Variants in RPS6KC1 observed in about 807,000 individuals in gnomAD.
The protein encoded by RPS6KC1 is inactive ribosomal protein S6 kinase delta-1.
RPS6KC1 carries 54 observed loss-of-function variants against 103.8 expected under a neutral mutation model. That is an observed-to-expected ratio of 0.52 (90% confidence interval 0.42 to 0.65). The LOEUF (loss-of-function observed/expected upper bound fraction) is 0.65. Among genes scored for constraint, RPS6KC1 ranks in the 30% least tolerant of loss-of-function variants. RPS6KC1 has a pLI of 0.00. For missense variants in RPS6KC1, 1,151 were observed against 1,253.8 expected (o/e 0.92, Z 1.24); for synonymous variants, 439 against 438.7 (o/e 1.00, Z -0.01).
intron 14 of RPS6KC1, among the ~76,000 whole-genome samples, chr1:213,267,568 C>T (rs916740265): frequency 6.6e-6 from 1 of 151,960 alleles, no homozygotes; most frequent in Non-Finnish European, 1.5e-5. Flanking sequence ...TAGAAATTGT[C>T]TCTGAGTGTA....
At chr1:213,152,493 G>A (rs571069480) in intron 6 of RPS6KC1, among the ~76,000 whole-genome samples, 10 of 151,680 alleles carry the variant, frequency 6.6e-5, no homozygotes, top group African/African-American at 2.2e-4. Flanking sequence ...CGGGGTGGCT[G>A]CCGGGCGGAG....
At chr1:213,818,517 T>A in the RPS6KC1 span, 1 of 152,240 alleles carries the variant, frequency 6.6e-6, no homozygotes, top group Non-Finnish European at 1.5e-5. Flanking sequence ...GTGACCCATT[T>A]TATTGCGGTA....
chr1:213,403,559 T>C, the RPS6KC1 span, among the ~76,000 whole-genome samples: 2 of 152,148 alleles, frequency 1.3e-5, no homozygotes, highest in Admixed American at 6.5e-5. Flanking sequence ...CTGATTTGAG[T>C]GTGCCATCTG....
the RPS6KC1 span, among the ~76,000 whole-genome samples, chr1:213,633,483 C>A: frequency 6.6e-6 from 1 of 152,116 alleles, no homozygotes; most frequent in Non-Finnish European, 1.5e-5. Context: ...AAATCCTTTA[C>A]AGACAAGCAA....
chr1:213,407,929 GC>G, the RPS6KC1 span, among the ~76,000 whole-genome samples: 2 of 152,142 alleles, frequency 1.3e-5, no homozygotes, highest in South Asian at 2.1e-4. Context: ...TGTATACGTG[GC>G]CCTTAGAGTA....
At chr1:213,645,504 T>G in the RPS6KC1 span, among the ~76,000 whole-genome samples, 1 of 152,150 alleles carries the variant, frequency 6.6e-6, no homozygotes, top group Non-Finnish European at 1.5e-5. Context: ...TCCTTAAAAT[T>G]TAGCCACTAT....
intron 8 of RPS6KC1, among the ~76,000 whole-genome samples, chr1:213,187,513 T>C (rs546957339): frequency 1.9e-4 from 29 of 152,248 alleles, no homozygotes; most frequent in Admixed American, 6.5e-4. Context: ...CCCACAGTGT[T>C]AGAATTATAG....
At chr1:213,253,977 T>C (rs2149042879) in intron 12 of RPS6KC1, among the ~76,000 whole-genome samples, 1 of 152,338 alleles carries the variant, frequency 6.6e-6, no homozygotes, top group Non-Finnish European at 1.5e-5. Flanking sequence ...TTTGTTATTC[T>C]GTGTTTTAGC....
chr1:213,161,430 C>T (rs2090464804), intron 6 of RPS6KC1, among the ~76,000 whole-genome samples: 1 of 152,044 alleles, frequency 6.6e-6, no homozygotes, highest in South Asian at 2.1e-4. Flanking sequence ...AAATGATTCT[C>T]CTGCCTCAAC....
At chr1:213,494,654 C>T in the RPS6KC1 span, among the ~76,000 whole-genome samples, 1 of 151,816 alleles carries the variant, frequency 6.6e-6, no homozygotes. Context: ...AGAAAATGAT[C>T]GAAGTGGATA....
the RPS6KC1 span, among the ~76,000 whole-genome samples, chr1:213,658,598 G>A: frequency 6.6e-6 from 1 of 152,218 alleles, no homozygotes; most frequent in African/African-American, 2.4e-5. Flanking sequence ...CAATAGATTT[G>A]AGAGGATAAA....
the RPS6KC1 span, among the ~76,000 whole-genome samples, chr1:213,628,736 C>G: frequency 3.3e-5 from 5 of 151,958 alleles, 1 homozygote; most frequent in South Asian, 1.0e-3. Context: ...ATAAATTTCC[C>G]TCTACACTCT....
chr1:213,538,780 T>C, the RPS6KC1 span, among the ~76,000 whole-genome samples: 1 of 152,092 alleles, frequency 6.6e-6, no homozygotes, highest in African/African-American at 2.4e-5. Context: ...GGGAGATAGA[T>C]AGACATTAAG....
intron 7 of RPS6KC1, among the ~76,000 whole-genome samples, chr1:213,169,495 C>T (rs959424792): frequency 6.6e-6 from 1 of 152,082 alleles, no homozygotes; most frequent in East Asian, 1.9e-4. Flanking sequence ...TTATCCTATT[C>T]TCTATCATTG....
the RPS6KC1 span, among the ~76,000 whole-genome samples, chr1:213,853,745 G>A: frequency 6.6e-6 from 1 of 152,234 alleles, no homozygotes; most frequent in Admixed American, 6.5e-5. Flanking sequence ...GAATCTAGAA[G>A]GGGATTCAGG....
At chr1:213,209,278 A>G (rs2148656015) in intron 8 of RPS6KC1, among the ~76,000 whole-genome samples, 1 of 152,232 alleles carries the variant, frequency 6.6e-6, no homozygotes, top group South Asian at 2.1e-4. Flanking sequence ...ACCACCTCAA[A>G]CTTATCTTTG....
At chr1:213,403,557 A>G in the RPS6KC1 span, among the ~76,000 whole-genome samples, 1 of 152,122 alleles carries the variant, frequency 6.6e-6, no homozygotes, top group South Asian at 2.1e-4. Context: ...GACTGATTTG[A>G]GTGTGCCATC....
chr1:213,762,292 CT>C, the RPS6KC1 span, among the ~76,000 whole-genome samples: 1 of 152,156 alleles, frequency 6.6e-6, no homozygotes, highest in Non-Finnish European at 1.5e-5. Context: ...TAGTGCACCC[CT>C]CTCCCCTCTG....
the RPS6KC1 span, among the ~76,000 whole-genome samples, chr1:213,542,084 A>G: frequency 6.6e-6 from 1 of 151,808 alleles, no homozygotes; most frequent in East Asian, 1.9e-4. Flanking sequence ...AGAATGTTGA[A>G]AGATCAGGAG....
Sources: gnomAD v4.1 joint callset for allele counts (sites outside exome capture counted in the v4.1 genomes callset) on GRCh38, gnomAD v4.1.1 for gene constraint, MANE v1.5 for transcripts, NCBI Gene and HGNC (gene_info 2026-07-23, HGNC 2026-07-21) for gene names.